The following PSD2 variants were observed in gnomAD, a reference collection of about 807,000 sequenced individuals.
PSD2 encodes PH and SEC7 domain-containing protein 2.
A neutral mutation model predicts 69.8 loss-of-function variants in PSD2; 38 were observed. The observed-to-expected ratio is 0.54, with a 90% CI of 0.42 to 0.71. The LOEUF is 0.71. PSD2 is among the 30% of genes least tolerant of loss of function. The probability of loss-of-function intolerance (pLI) is 0.00; values close to 1 mark genes in which losing one functional copy is unlikely to be tolerated. For synonymous variants in PSD2, 412 were observed against 423.0 expected, an observed-to-expected ratio of 0.97 and a Z score of 0.32; for missense variants, 943 against 1,014.5, an observed-to-expected ratio of 0.93 and a Z score of 0.96.
At chr5:139,760,088 C>G in the PSD2 span, among the ~76,000 whole-genome samples, 9 of 152,368 alleles carry the variant, frequency 5.9e-5, no homozygotes, top group Non-Finnish European at 8.8e-5. Context: ...CCCTGACCTT[C>G]GGTCCTCAAT....
At chr5:139,796,803 G>T (rs1189288314) in intron 1 of PSD2, among the ~76,000 whole-genome samples, 5 of 152,156 alleles carry the variant, frequency 3.3e-5, no homozygotes, top group Admixed American at 6.5e-5. Context: ...GGGCCATCTT[G>T]GGGGGGCCAG....
Position 139,837,898 on chromosome 5 carries a change from C to A in PSD2, c.1823+116C>A. 2 of 984,374 alleles carry A rather than the reference C, an allele frequency of 2.0e-6. No individual in the cohort carries two copies. Among genetic ancestry groups the A allele is most frequent in the Non-Finnish European group, 3.0e-6 (2 of 675,154 alleles). The allele number at this position is 984,374 out of a possible 1,614,324, so 61.0% of individuals were successfully genotyped here. A position where few individuals can be genotyped will look rare whatever the true frequency, so the allele number is the denominator to read the frequency against. Reference sequence around the variant, plus strand: ...ACAGAGCATGTGTATCCACATGACACAGACCGACAGCTGGGTCCCTCCAAA... The same window carrying A: ...ACAGAGCATGTGTATCCACATGACAAAGACCGACAGCTGGGTCCCTCCAAA... On this transcript the variant is annotated intron_variant, in intron 12 of 14. Coordinates refer to ENST00000274710, the MANE Select transcript of PSD2 (RefSeq NM_032289.4). The surrounding 1 kb of genome is among the most constrained non-coding windows in gnomAD (Gnocchi z 5.0).
At chr5:139,831,962 G>A (rs1171870136) in intron 7 of PSD2, among the ~76,000 whole-genome samples, 3 of 152,134 alleles carry the variant, frequency 2.0e-5, no homozygotes, top group East Asian at 1.9e-4. Context: ...CCACTTAGCC[G>A]CTCAGCCCCT....
the PSD2 span, chr5:139,744,920 C>G: frequency 6.6e-6 from 1 of 152,384 alleles, no homozygotes; most frequent in Non-Finnish European, 1.5e-5. Context: ...TTCAGGAGGG[C>G]ATGGTTTTAC....
intron 1 of PSD2, among the ~76,000 whole-genome samples, chr5:139,806,299 T>C (rs1759805069): frequency 6.6e-6 from 1 of 152,242 alleles, no homozygotes; most frequent in Non-Finnish European, 1.5e-5. Context: ...GAAGGGCCAC[T>C]GCTTTGGGCC....
the PSD2 span, among the ~76,000 whole-genome samples, chr5:139,789,785 A>G: frequency 3.9e-5 from 6 of 152,158 alleles, no homozygotes; most frequent in Admixed American, 6.5e-5. Context: ...GACACAGACC[A>G]TTCCCAGAAA....
chr5:139,788,675 G>C, the PSD2 span, among the ~76,000 whole-genome samples: 1 of 152,222 alleles, frequency 6.6e-6, no homozygotes, highest in Non-Finnish European at 1.5e-5. Flanking sequence ...AAGGCCCTTA[G>C]ATGCCGTTCT....
At position 139,843,947 on chromosome 5, in the gene PSD2, C is replaced by T. The variant is rs936512235; in HGVS notation, c.*1473C>T. On this transcript the variant is annotated 3_prime_UTR_variant, in exon 15 of 15. Transcript: ENST00000274710. ...ATAAGCCAGGCTTGCAACTAAGTAT[C>T]TAACTTTACAGGCCCACTCACATTT... 2 of 152,212 alleles carry T rather than the reference C, an allele frequency of 1.3e-5. No individual in the cohort carries two copies. Among genetic ancestry groups the T allele is most frequent in the Non-Finnish European group, 2.9e-5 (2 of 68,046 alleles). The allele number at this position is 152,212 out of a possible 1,614,324, so 9.4% of individuals were successfully genotyped here.
rs1459882712 is a variant in PSD2 at position 139,839,329 on chromosome 5, G to T, written c.1968+557G>T. 6.6e-6 allele frequency among the ~76,000 whole-genome samples: 1 copy of T among 152,228 alleles called. No homozygotes were observed. The highest frequency in any genetic ancestry group is 2.1e-4 in the South Asian group (1 of 4,838). On this transcript the variant is annotated intron_variant, in intron 13 of 14. Coordinates refer to ENST00000274710, the MANE Select transcript of PSD2 (RefSeq NM_032289.4). The surrounding 1 kb of genome is among the most constrained non-coding windows in gnomAD (Gnocchi z 5.1). ...CCTTTCCCACTAGGCCTTGTCCCGGGTCACCCCACTGAGCTCCTGGGCTCC... is the reference window on the plus strand; with the variant it reads ...CCTTTCCCACTAGGCCTTGTCCCGGTTCACCCCACTGAGCTCCTGGGCTCC...
the PSD2 span, among the ~76,000 whole-genome samples, chr5:139,748,573 C>CACTCATGTGT: frequency 2.0e-5 from 3 of 152,246 alleles, no homozygotes; most frequent in African/African-American, 4.8e-5. Flanking sequence ...CTCCCCCGGG[C>CACTCATGTGT]GAACTCATGT....
intron 9 of PSD2, among the ~76,000 whole-genome samples, chr5:139,836,168 G>T (rs1168348335): frequency 6.6e-6 from 1 of 152,244 alleles, no homozygotes; most frequent in Non-Finnish European, 1.5e-5. Context: ...TTGACAGTGG[G>T]AAGGGGAGAG....
chr5:139,815,009 C>A (rs564782850), intron 4 of PSD2, among the ~76,000 whole-genome samples: 4 of 152,184 alleles, frequency 2.6e-5, no homozygotes, highest in African/African-American at 9.7e-5. Context: ...TGCCTCCCAA[C>A]GTCCGCATTA....
Position 139,813,496 on chromosome 5 carries a change from C to T in PSD2, c.559C>T (p.Arg187Trp), listed in dbSNP as rs151135546. Residue 187 changes from arginine (R) to tryptophan (W), a missense_variant, in exon 3 of 15, where the codon CGG becomes TGG. Arg to Trp is a moderately radical substitution (Grantham distance 101). Transcript: ENST00000274710. ...CCCCCTCACACCCCTCATCCAGCAG[C>T]GGGCCCGTGACAGCCCTGAGCCAGG... ...EAPLTPLIQQRARDSPEPGAG... is the reference protein window; with the variant it reads ...EAPLTPLIQQWARDSPEPGAG... 1.1e-4 allele frequency: 174 copies of T among 1,613,138 alleles called. No individual in the cohort carries two copies. Among genetic ancestry groups the T allele is most frequent in the South Asian group, 4.0e-4 (36 of 90,962 alleles).
In PSD2 at chr5:139,838,689, G is replaced by A. The variant is rs1760798873; in HGVS notation, c.1885G>A (p.Ala629Thr). Residue 629 changes from alanine (A) to threonine (T), a missense_variant, in exon 13 of 15, where the codon GCC becomes ACC. Ala to Thr is a moderately conservative substitution (Grantham distance 58, BLOSUM62 0). Around this residue, in one of 3 missense-constraint regions of PSD2, gnomAD observed 312 missense variants for 400.7 expected, o/e 0.78. Coordinates refer to ENST00000274710, the MANE Select transcript of PSD2 (RefSeq NM_032289.4). ...RINLVAAIFSAPAFPAAVSSM... is the reference protein window; with the variant it reads ...RINLVAAIFSTPAFPAAVSSM... ...CAACCTGGTGGCAGCCATCTTCTCT[G>A]CCCCGGCCTTCCCAGCCGCTGTCAG... The A allele has an allele frequency of 6.2e-7, 1 of 1,614,008 alleles. No individual in the cohort carries two copies. The highest frequency in any genetic ancestry group is 1.1e-5 in the South Asian group (1 of 91,078).
At chr5:139,757,478 AG>A in the PSD2 span, among the ~76,000 whole-genome samples, 1 of 152,194 alleles carries the variant, frequency 6.6e-6, no homozygotes, top group African/African-American at 2.4e-5. Flanking sequence ...CAAAGACTCA[AG>A]GGGGGTAGTG....
At chr5:139,805,360 T>C (rs1399132266) in intron 1 of PSD2, among the ~76,000 whole-genome samples, 1 of 152,222 alleles carries the variant, frequency 6.6e-6, no homozygotes, top group Non-Finnish European at 1.5e-5. Context: ...AGTTCCTCAA[T>C]CTCTCTTAGC....
rs751509893 is a variant in PSD2, at chr5:139,813,735, G to A, written c.798G>A (p.Thr266=). 8.7e-5 allele frequency: 139 copies of A among 1,606,628 alleles called. No individual in the cohort carries two copies. The highest frequency in any genetic ancestry group is 8.2e-5 in the Non-Finnish European group (96 of 1,175,194). ...ATGAGGATGATGATGAGGAGGACAC[G>A]GACAAGTTGCTGAACTCAGCCAGGT... ...GGDEDDDEED[T]DKLLNSASDP... Residue 266 remains threonine (T), a synonymous_variant, in exon 3 of 15, where the codon ACG becomes ACA. Coordinates refer to ENST00000274710, the MANE Select transcript of PSD2 (RefSeq NM_032289.4).
At chr5:139,760,706 G>A in the PSD2 span, among the ~76,000 whole-genome samples, 2 of 152,168 alleles carry the variant, frequency 1.3e-5, 1 homozygote, top group Non-Finnish European at 2.9e-5. Context: ...GGCAAATGGG[G>A]TATAATGAGA....
intron 12 of PSD2, among the ~76,000 whole-genome samples, chr5:139,838,421 C>T (rs1481575007): frequency 6.6e-6 from 1 of 152,188 alleles, no homozygotes; most frequent in Non-Finnish European, 1.5e-5. Flanking sequence ...TCGGGTGTGC[C>T]TGGAAGCTGG....
Sources: gnomAD v4.1 joint callset for allele counts (sites outside exome capture counted in the v4.1 genomes callset) on GRCh38, gnomAD v4.1.1 for gene constraint, gnomAD v4.1.1 regional missense constraint, Gnocchi (gnomAD v3.1) non-coding constraint, MANE v1.5 for transcripts, NCBI Gene and HGNC (gene_info 2026-07-23, HGNC 2026-07-21) for gene names.